The following NAA80 variants were observed in gnomAD, a reference collection of about 807,000 sequenced individuals.
NAA80 encodes N-alpha-acetyltransferase 80.
A neutral mutation model predicts 8.7 loss-of-function variants in NAA80; 5 were observed. That is an observed-to-expected ratio of 0.58 (90% CI 0.30 to 1.21). The LOEUF is 1.21. Ranked by LOEUF, NAA80 falls within the 50% of genes most tolerant of loss-of-function variation. The probability of loss-of-function intolerance (pLI) is 0.07; values close to 1 mark genes in which losing one functional copy is unlikely to be tolerated. For synonymous variants in NAA80, 149 were observed against 156.6 expected (o/e 0.95, Z 0.36); for missense variants, 360 against 368.6 (o/e 0.98, Z 0.19).
Position 50,297,603 on chromosome 3 carries a change from G to T in NAA80, c.-140C>A. Reference sequence around the variant, plus strand: ...CTGCTGCTAGGTTGCAGGTGGCTCAGTGCCAGGCTGGAGGTTAAGACCCCA... The same window carrying T: ...CTGCTGCTAGGTTGCAGGTGGCTCATTGCCAGGCTGGAGGTTAAGACCCCA... On this transcript the variant is annotated 5_prime_UTR_variant, in exon 2 of 2. In the 5' UTR this introduces an upstream ATG that the reference lacks. Coordinates refer to ENST00000443094, the MANE Select transcript of NAA80 (RefSeq NM_001200016.2). The surrounding 1 kb of genome is among the most constrained non-coding windows in gnomAD (Gnocchi z 4.3). 5.4e-6 allele frequency: 8 copies of T among 1,486,256 alleles called. No individual in the cohort carries two copies. The South Asian group carries it at 1.1e-4, about 21-fold the overall frequency. The allele number at this position is 1,486,256 out of a possible 1,614,324, so 92.1% of individuals were successfully genotyped here.
chr3:50,297,309 G>T lies in NAA80; in HGVS notation c.155C>A (p.Thr52Asn). 6.2e-7 allele frequency: 1 copy of T among 1,605,264 alleles called. No homozygotes were observed. The highest frequency in any genetic ancestry group is 8.5e-7 in the Non-Finnish European group (1 of 1,174,214). Residue 52 changes from threonine to asparagine, a missense_variant, in exon 2 of 2, where the codon ACC becomes AAC. Physicochemically the swap from Thr to Asn is moderately conservative, Grantham distance 65. Coordinates refer to ENST00000443094, the MANE Select transcript of NAA80 (RefSeq NM_001200016.2). The surrounding 1 kb of genome is among the most constrained non-coding windows in gnomAD (Gnocchi z 4.3). ...CAACTCAGCCAGGCTAGGAGCTGGGGTCTCCTCTGGCTGGTGTTCAGGATC... is the reference window on the plus strand; with the variant it reads ...CAACTCAGCCAGGCTAGGAGCTGGGTTCTCCTCTGGCTGGTGTTCAGGATC... ...TLDPEHQPEE[T>N]PAPSLAELTL...
At position 50,297,195 on chromosome 3, in the gene NAA80, CG is replaced by C. The variant is rs782283737; in HGVS notation, c.268del (p.Arg90AlafsTer16). 2 of 1,612,214 alleles carry C rather than the reference CG, an allele frequency of 1.2e-6. No homozygotes were observed. The highest frequency in any genetic ancestry group is 1.7e-5 in the Admixed American group (1 of 59,836). ...TGAGGACTGGCCCAGGGAGTGCAGG[CG>C]GGAGGTGCGGCTGCGGGGCCACTGA... ...NDQWPRSRTSRLHSLGQSSDA... is the reference protein window; with the variant it reads ...NDQWPRSRTSXLHSLGQSSDA... On this transcript the variant is annotated frameshift_variant, in exon 2 of 2. Transcript: ENST00000443094. LOFTEE classifies it high-confidence loss of function. This position sits in a 1 kb window ranked among gnomAD's most constrained non-coding sequence, Gnocchi z 4.3.
In NAA80 at chr3:50,297,133, G is replaced by T. The variant is rs587643318; in HGVS notation, c.331C>A (p.His111Asn). ...FPLCLMLLSPHPTLEAAPVVV... is the reference protein window; with the variant it reads ...FPLCLMLLSPNPTLEAAPVVV... ...ACGGGTGCTGCTTCAAGTGTGGGGTGGGGGCTTAGCAGCATCAGGCAGAGG... is the reference window on the plus strand; with the variant it reads ...ACGGGTGCTGCTTCAAGTGTGGGGTTGGGGCTTAGCAGCATCAGGCAGAGG... Residue 111 changes from histidine (H) to asparagine (N), a missense_variant, in exon 2 of 2, where the codon CAC becomes AAC. His to Asn is a moderately conservative substitution (Grantham distance 68, BLOSUM62 1). Transcript: ENST00000443094. The surrounding 1 kb of genome is among the most constrained non-coding windows in gnomAD (Gnocchi z 4.3). 27 of 1,577,126 alleles carry T rather than the reference G, an allele frequency of 1.7e-5. No individual in the cohort carries two copies. In the Middle Eastern group the frequency reaches 1.7e-3, roughly 99 times the overall value.
At position 50,297,981 on chromosome 3, in the gene NAA80, A is replaced by G; in HGVS notation, c.-209-309T>C. The stretch of plus-strand genomic sequence containing the variant: ...CTCTGGCTACAAATTTGTCCTCCTC[A>G]GGACCTCCCCTCACAGGGGGTCTGT... On this transcript the variant is annotated intron_variant, in intron 1 of 1. Transcript: ENST00000443094. The surrounding 1 kb of genome is among the most constrained non-coding windows in gnomAD (Gnocchi z 4.3). The G allele has an allele frequency of 2.0e-6, 2 of 987,528 alleles. No homozygotes were observed. The highest frequency in any genetic ancestry group is 2.4e-6 in the Non-Finnish European group (2 of 831,518). 61.2% of individuals were successfully genotyped at this position (987,528 alleles called of 1,614,324 possible).
chr3:50,299,399 C>T lies in NAA80; in HGVS notation c.-396G>A. On this transcript the variant is annotated 5_prime_UTR_variant, in exon 1 of 2. Coordinates refer to ENST00000443094, the MANE Select transcript of NAA80 (RefSeq NM_001200016.2). ...AGGCCTCCCAGCACCCGCGCGTCGC[C>T]GCTTAGAACCCGCCCCTGGTTTGCG... is the stretch of plus-strand genomic sequence containing the variant. 1 of 1,333,240 alleles carries T rather than the reference C, an allele frequency of 7.5e-7. No individual in the cohort carries two copies. The highest frequency in any genetic ancestry group is 1.0e-6 in the Non-Finnish European group (1 of 977,156). The allele number at this position is 1,333,240 out of a possible 1,614,324, so 82.6% of individuals were successfully genotyped here. A position where few individuals can be genotyped will look rare whatever the true frequency, so the allele number is the denominator to read the frequency against.
chr3:50,298,193 C>T (rs1398015724), intron 1 of NAA80: 2 of 734,314 alleles, frequency 2.7e-6, no homozygotes, highest in African/African-American at 3.9e-5. Context: ...TCCCTTTCTT[C>T]TCCCTATGTT....
In NAA80 at chr3:50,296,749, G is replaced by T. The variant is rs1701861275; in HGVS notation, c.715C>A (p.Pro239Thr). ...AGGGGAGGGGGTGGTGGCAATGGAG[G>T]TCCCTTGGGACCCCTTGGGGCAGCT... ...AQAAPRGPKGPPLPPPPPLPE... is the reference protein window; with the variant it reads ...AQAAPRGPKGTPLPPPPPLPE... The change falls in exon 2 of 2, where the codon CCT becomes ACT. Residue 239 changes from proline to threonine, a missense_variant. Coordinates refer to ENST00000443094, the MANE Select transcript of NAA80 (RefSeq NM_001200016.2). The T allele has an allele frequency of 6.2e-7, 1 of 1,609,166 alleles. No individual in the cohort carries two copies. Among genetic ancestry groups the T allele is most frequent in the Non-Finnish European group, 8.5e-7 (1 of 1,177,568 alleles).
chr3:50,297,122 A>G lies in NAA80; in HGVS notation c.342T>C (p.Leu114=). 2 of 1,564,146 alleles carry G rather than the reference A, an allele frequency of 1.3e-6. No homozygotes were observed. Among genetic ancestry groups the G allele is most frequent in the Non-Finnish European group, 1.7e-6 (2 of 1,153,064 alleles). ...GGCCCACCACAACGGGTGCTGCTTC[A>G]AGTGTGGGGTGGGGGCTTAGCAGCA... The part of the protein sequence containing the change: ...CLMLLSPHPT[L]EAAPVVVGHA... The change falls in exon 2 of 2, where the codon CTT becomes CTC. Residue 114 remains leucine (L), a synonymous_variant. Coordinates refer to ENST00000443094, the MANE Select transcript of NAA80 (RefSeq NM_001200016.2). The surrounding 1 kb of genome is among the most constrained non-coding windows in gnomAD (Gnocchi z 4.3).
rs782673275 is a variant in NAA80 at position 50,297,329 on chromosome 3, A to G, written c.135T>C (p.Pro45=). ...NPGPTELTLD[P]EHQPEETPAP... is the part of the protein sequence containing the mutation. ...CTGGGGTCTCCTCTGGCTGGTGTTC[A>G]GGATCCAGGGTAAGCTCAGTTGGAC... The change falls in exon 2 of 2, where the codon CCT becomes CCC. Residue 45 remains proline, a synonymous_variant. Coordinates refer to ENST00000443094, the MANE Select transcript of NAA80 (RefSeq NM_001200016.2). The surrounding 1 kb of genome is among the most constrained non-coding windows in gnomAD (Gnocchi z 4.3). 1.2e-6 allele frequency: 2 copies of G among 1,608,452 alleles called. No homozygotes were observed. Among genetic ancestry groups the G allele is most frequent in the East Asian group, 2.2e-5 (1 of 44,808 alleles).
rs1218873782 is a variant in NAA80, at chr3:50,298,833, C to T, written c.-210+380G>A. On this transcript the variant is annotated intron_variant, in intron 1 of 1. Coordinates refer to ENST00000443094, the MANE Select transcript of NAA80 (RefSeq NM_001200016.2). ...GTAAGCCCCTCACCTGCATCAGCCA[C>T]CTCTGCAGCAGCCGCACCCTTTGGT... 3.3e-6 allele frequency: 4 copies of T among 1,207,206 alleles called. No homozygotes were observed. In the African/African-American group the frequency reaches 6.2e-5, roughly 19 times the overall value. The allele number at this position is 1,207,206 out of a possible 1,614,324, so 74.8% of individuals were successfully genotyped here.
Position 50,297,313 on chromosome 3 carries a change from C to G in NAA80, c.151G>C (p.Glu51Gln), listed in dbSNP as rs782627339. The G allele has an allele frequency of 6.3e-5, 101 of 1,606,676 alleles. No homozygotes were observed. The highest frequency in any genetic ancestry group is 8.2e-5 in the Non-Finnish European group (96 of 1,175,548). ...TCAGCCAGGCTAGGAGCTGGGGTCT[C>G]CTCTGGCTGGTGTTCAGGATCCAGG... The part of the protein sequence containing the change: ...LTLDPEHQPE[E>Q]TPAPSLAELT... Residue 51 changes from glutamate to glutamine, a missense_variant, in exon 2 of 2, where the codon GAG (glutamate) becomes CAG (glutamine). Coordinates refer to ENST00000443094, the MANE Select transcript of NAA80 (RefSeq NM_001200016.2). This position sits in a 1 kb window ranked among gnomAD's most constrained non-coding sequence, Gnocchi z 4.3.
Position 50,297,230 on chromosome 3 carries a change from G to A in NAA80, c.234C>T (p.Leu78=). 6.2e-7 allele frequency: 1 copy of A among 1,613,014 alleles called. No homozygotes were observed. Among genetic ancestry groups the A allele is most frequent in the East Asian group, 2.2e-5 (1 of 44,846 alleles). The change falls in exon 2 of 2, where the codon CTC becomes CTT. Residue 78 remains leucine, a synonymous_variant. Coordinates refer to ENST00000443094, the MANE Select transcript of NAA80 (RefSeq NM_001200016.2). This position sits in a 1 kb window ranked among gnomAD's most constrained non-coding sequence, Gnocchi z 4.3. ...RPELLDACAD[L]INDQWPRSRT... The stretch of plus-strand genomic sequence containing the variant: ...GGCTGCGGGGCCACTGATCATTGAT[G>A]AGGTCAGCACAAGCATCCAGGAGCT...
At position 50,297,383 on chromosome 3, in the gene NAA80, T is replaced by C. The variant is rs369059750; in HGVS notation, c.81A>G (p.Thr27=). The C allele has an allele frequency of 1.9e-6, 3 of 1,613,424 alleles. No individual in the cohort carries two copies. The highest frequency in any genetic ancestry group is 2.5e-6 in the Non-Finnish European group (3 of 1,179,706). Residue 27 remains threonine, a synonymous_variant, in exon 2 of 2, where the codon ACA becomes ACG. Coordinates refer to ENST00000443094, the MANE Select transcript of NAA80 (RefSeq NM_001200016.2). This position sits in a 1 kb window ranked among gnomAD's most constrained non-coding sequence, Gnocchi z 4.3. Reference sequence around the variant, plus strand: ...GATTGAAGGTCATCTCTGGTTGGCATGTGGAATCCAGGGGCAGCTTTGGCT... The same window carrying C: ...GATTGAAGGTCATCTCTGGTTGGCACGTGGAATCCAGGGGCAGCTTTGGCT... ...ACQPKLPLDS[T]CQPEMTFNPG...
chr3:50,299,126 G>C, intron 1 of NAA80, 87 bp downstream of exon 1: 4 of 1,612,848 alleles, frequency 2.5e-6, no homozygotes, highest in Non-Finnish European at 3.4e-6. Flanking sequence ...CTGACGCGGG[G>C]AGGGCGTGCA....
intron 1 of NAA80, chr3:50,298,009 C>T: frequency 1.0e-6 from 1 of 986,562 alleles, no homozygotes; most frequent in Non-Finnish European, 1.2e-6. Flanking sequence ...GGGTCTGTAA[C>T]CACCAGGTCT....
chr3:50,299,230 T>G lies in NAA80; in HGVS notation c.-227A>C, dbSNP rs2285044. Reference sequence around the variant, plus strand: ...GTACTGACATGTTGATGCTGGCCTCTGGGATGTTCCGCGTCCTAGCTCCGC... The same window carrying G: ...GTACTGACATGTTGATGCTGGCCTCGGGGATGTTCCGCGTCCTAGCTCCGC... On this transcript the variant is annotated 5_prime_UTR_variant, in exon 1 of 2. Coordinates refer to ENST00000443094, the MANE Select transcript of NAA80 (RefSeq NM_001200016.2). The G allele has an allele frequency of 6.2e-7, 1 of 1,614,046 alleles. No individual in the cohort carries two copies. Among genetic ancestry groups the G allele is most frequent in the African/African-American group, 1.3e-5 (1 of 75,026 alleles).
chr3:50,298,953 GCGGGGCTC>G (rs1701996694), intron 1 of NAA80: 2 of 1,425,418 alleles, frequency 1.4e-6, no homozygotes, highest in African/African-American at 2.9e-5. Context: ...CCCACTGTGG[GCGGGGCTC>G]CGGGGTCCTC....
rs181805747 is a variant in NAA80 at position 50,297,202 on chromosome 3, T to C, written c.262A>G (p.Thr88Ala). ...TGGCCCAGGGAGTGCAGGCGGGAGGTGCGGCTGCGGGGCCACTGATCATTG... is the reference window on the plus strand; with the variant it reads ...TGGCCCAGGGAGTGCAGGCGGGAGGCGCGGCTGCGGGGCCACTGATCATTG... ...LINDQWPRSR[T>A]SRLHSLGQSS... The change falls in exon 2 of 2, where the codon ACC becomes GCC. Residue 88 changes from threonine (T) to alanine (A), a missense_variant. Coordinates refer to ENST00000443094, the MANE Select transcript of NAA80 (RefSeq NM_001200016.2). This position sits in a 1 kb window ranked among gnomAD's most constrained non-coding sequence, Gnocchi z 4.3. 1,688 of 1,611,264 alleles carry C rather than the reference T, an allele frequency of 1.0e-3. 14 individuals are homozygous for C. In the African/African-American group the frequency reaches 0.02, roughly 19 times the overall value.
chr3:50,296,952 T>C lies in NAA80; in HGVS notation c.512A>G (p.Lys171Arg), dbSNP rs1553711313. ...CTGGTCATGGGTGGTGAGATGCAGC[T>C]TGCGGAAGCCCCGGGCCCGAGCAAA... ...EVFARARGFR[K>R]LHLTTHDQVH... Residue 171 changes from lysine to arginine, a missense_variant, in exon 2 of 2, where the codon AAG (lysine) becomes AGG (arginine). Coordinates refer to ENST00000443094, the MANE Select transcript of NAA80 (RefSeq NM_001200016.2). The C allele has an allele frequency of 2.5e-6, 4 of 1,603,650 alleles. No homozygotes were observed. Among genetic ancestry groups the C allele is most frequent in the South Asian group, 1.1e-5 (1 of 89,832 alleles).
Sources: gnomAD v4.1 joint callset for allele counts on GRCh38, gnomAD v4.1.1 for gene constraint, Gnocchi (gnomAD v3.1) non-coding constraint, MANE v1.5 for transcripts, NCBI Gene and HGNC (gene_info 2026-07-23, HGNC 2026-07-21) for gene names.